STXBP5L: variants seen among roughly 807,000 people sequenced by gnomAD.
STXBP5L encodes syntaxin binding protein 5L.
In STXBP5L, 65 loss-of-function variants were observed where a neutral mutation model predicts 144.5. The observed-to-expected ratio is 0.45, with a 90% confidence interval of 0.37 to 0.55. The LOEUF (loss-of-function observed/expected upper bound fraction) is 0.55, where lower values mean the gene tolerates loss of function less well. Among genes scored for constraint, STXBP5L ranks in the 20% least tolerant of loss-of-function variants. The pLI is 0.00. For synonymous variants in STXBP5L, 505 were observed against 469.6 expected, an observed-to-expected ratio of 1.08 and a Z score of -0.97; for missense variants, 1,298 against 1,405.5, an observed-to-expected ratio of 0.92 and a Z score of 1.22.
chr3:121,230,708 A>G (rs900044962), intron 11 of STXBP5L, among the ~76,000 whole-genome samples: 1 of 152,226 alleles, frequency 6.6e-6, no homozygotes, highest in African/African-American at 2.4e-5. Flanking sequence ...CCAGATACAA[A>G]TAATGATCAA....
At position 121,054,739 on chromosome 3, in the gene STXBP5L, T is replaced by C. The variant is rs146014889; in HGVS notation, c.470+9204T>C. On this transcript the variant is annotated intron_variant, in intron 5 of 26. Coordinates refer to ENST00000471454, the MANE Select transcript of STXBP5L (RefSeq NM_001308330.2). Reference sequence around the variant, plus strand: ...ATGTACCGTAAAACTTAAAGTATAATAATAATAAAATTTTAAAAAGAGTTG... The same window carrying C: ...ATGTACCGTAAAACTTAAAGTATAACAATAATAAAATTTTAAAAAGAGTTG... Among the ~76,000 whole-genome samples the C allele has an allele frequency of 1.2e-3, 181 of 152,164 alleles. 1 individual carries two copies. The East Asian group carries it at 0.026, about 22-fold the overall frequency.
intron 9 of STXBP5L, among the ~76,000 whole-genome samples, chr3:121,181,038 G>A (rs769812904): frequency 1.3e-5 from 2 of 150,976 alleles, no homozygotes; most frequent in Non-Finnish European, 3.0e-5. Context: ...AACATTGAAT[G>A]TAAATGGCCT....
At chr3:121,066,774 A>G (rs1447340998) in intron 5 of STXBP5L, among the ~76,000 whole-genome samples, 1 of 152,096 alleles carries the variant, frequency 6.6e-6, no homozygotes, top group African/African-American at 2.4e-5. Flanking sequence ...TACTCTATAA[A>G]TATTTGTGAA....
intron 2 of STXBP5L, among the ~76,000 whole-genome samples, chr3:120,939,496 A>C (rs1710447937): frequency 1.3e-5 from 2 of 152,138 alleles, no homozygotes; most frequent in African/African-American, 4.8e-5. Flanking sequence ...AGAAGTCACC[A>C]TCTGAGGAAA....
chr3:121,367,675 A>G (rs1486749396), intron 20 of STXBP5L, among the ~76,000 whole-genome samples: 1 of 132,818 alleles, frequency 7.5e-6, no homozygotes, highest in Non-Finnish European at 1.5e-5. Flanking sequence ...CTGATTGATC[A>G]TGGCTTCTAG....
chr3:121,307,198 G>T (rs555789164), intron 19 of STXBP5L, among the ~76,000 whole-genome samples: 8 of 152,074 alleles, frequency 5.3e-5, no homozygotes, highest in African/African-American at 7.2e-5. Flanking sequence ...GGAATCAGTC[G>T]TCAGTACCCA....
At chr3:121,255,827 T>C (rs1355131182) in intron 16 of STXBP5L, among the ~76,000 whole-genome samples, 1 of 152,050 alleles carries the variant, frequency 6.6e-6, no homozygotes, top group African/African-American at 2.4e-5. Flanking sequence ...TGGGATAAAT[T>C]AATTCTAAAT....
chr3:121,009,205 A>G (rs559366585), intron 3 of STXBP5L, among the ~76,000 whole-genome samples: 1 of 152,074 alleles, frequency 6.6e-6, no homozygotes, highest in African/African-American at 2.4e-5. Flanking sequence ...CTGGGTTTTT[A>G]GTGTCTCTTC....
chr3:121,263,705 G>T (rs1042466232), intron 18 of STXBP5L, among the ~76,000 whole-genome samples: 2 of 151,992 alleles, frequency 1.3e-5, no homozygotes, highest in African/African-American at 4.8e-5. Flanking sequence ...GTAGAAGAAA[G>T]GATATCAGAG....
chr3:121,226,850 C>T (rs1178107631), intron 11 of STXBP5L, among the ~76,000 whole-genome samples: 1 of 152,142 alleles, frequency 6.6e-6, no homozygotes, highest in Non-Finnish European at 1.5e-5. Context: ...GATGGCCAGA[C>T]CAAGTCAGGC....
chr3:120,963,384 C>G (rs1278505632), intron 3 of STXBP5L, among the ~76,000 whole-genome samples: 1 of 152,176 alleles, frequency 6.6e-6, no homozygotes, highest in Non-Finnish European at 1.5e-5. Context: ...CCAGTTTTTG[C>G]CCATTCAGTA....
intron 3 of STXBP5L, among the ~76,000 whole-genome samples, chr3:121,006,354 A>C: frequency 6.6e-6 from 1 of 152,086 alleles, no homozygotes; most frequent in South Asian, 2.1e-4. Context: ...AGTCTGTTTT[A>C]TCAGAGACTA....
chr3:120,932,223 G>A (rs1397591177), intron 2 of STXBP5L, among the ~76,000 whole-genome samples: 2 of 152,104 alleles, frequency 1.3e-5, no homozygotes, highest in Non-Finnish European at 2.9e-5. Context: ...TCATTATGCA[G>A]CACATGATGG....
intron 2 of STXBP5L, among the ~76,000 whole-genome samples, chr3:120,947,727 G>A (rs1425556831): frequency 2.0e-5 from 3 of 151,860 alleles, no homozygotes; most frequent in Non-Finnish European, 4.4e-5. Context: ...TATGTGACTA[G>A]CTTCTTCAGT....
chr3:120,982,505 A>T (rs1412257073), intron 3 of STXBP5L, among the ~76,000 whole-genome samples: 1 of 152,170 alleles, frequency 6.6e-6, no homozygotes, highest in Non-Finnish European at 1.5e-5. Context: ...CCCCTGTCCC[A>T]GGGCTCATGA....
At chr3:121,064,045 ACTC>A (rs2041420367) in intron 5 of STXBP5L, among the ~76,000 whole-genome samples, 1 of 151,774 alleles carries the variant, frequency 6.6e-6, no homozygotes, top group Admixed American at 6.6e-5. Context: ...ATGAAAAGTA[ACTC>A]CTCCAGCTAG....
At chr3:121,003,018 G>A (rs995389076) in intron 3 of STXBP5L, among the ~76,000 whole-genome samples, 2 of 152,144 alleles carry the variant, frequency 1.3e-5, no homozygotes, top group East Asian at 1.9e-4. Flanking sequence ...ATAAACATAC[G>A]TGTGCATGTG....
chr3:121,328,859 T>A (rs977243046), intron 20 of STXBP5L, among the ~76,000 whole-genome samples: 7 of 152,000 alleles, frequency 4.6e-5, no homozygotes, highest in Non-Finnish European at 7.4e-5. Context: ...AAAAAATGCA[T>A]CTAACCTCTC....
intron 9 of STXBP5L, among the ~76,000 whole-genome samples, chr3:121,175,957 CAA>C (rs2046917072): frequency 6.6e-6 from 1 of 150,920 alleles, no homozygotes; most frequent in Non-Finnish European, 1.5e-5. Context: ...TTATTAGAGA[CAA>C]AGAGTGGCAT....
Sources: gnomAD v4.1 joint callset for allele counts (sites outside exome capture counted in the v4.1 genomes callset) on GRCh38, gnomAD v4.1.1 for gene constraint, MANE v1.5 for transcripts, NCBI Gene and HGNC (gene_info 2026-07-23, HGNC 2026-07-21) for gene names.